FBLN7: variants seen among roughly 807,000 people sequenced by gnomAD.
FBLN7 encodes fibulin-7.
Under a neutral mutation model 44.0 loss-of-function variants are expected in FBLN7, and 31 were observed. That is an observed-to-expected ratio of 0.70 (90% CI 0.53 to 0.95). FBLN7 has a LOEUF of 0.95. Ranked by LOEUF, FBLN7 falls within the 40% of genes least tolerant of loss-of-function variation. The pLI, the probability that FBLN7 is intolerant of heterozygous loss-of-function variation, is 0.00. For synonymous variants in FBLN7, 262 were observed against 253.4 expected, an observed-to-expected ratio of 1.03 and a Z score of -0.32; for missense variants, 573 against 618.5, an observed-to-expected ratio of 0.93 and a Z score of 0.78.
At chr2:112,145,349 C>T (rs1297679267) in intron 1 of FBLN7, among the ~76,000 whole-genome samples, 1 of 151,948 alleles carries the variant, frequency 6.6e-6, no homozygotes, top group East Asian at 1.9e-4. Context: ...TTGCCCAGGC[C>T]AGCCATGGAA....
In FBLN7 at chr2:112,184,455, C is replaced by T. The variant is rs115350495; in HGVS notation, c.809-746C>T. On this transcript the variant is annotated intron_variant, in intron 6 of 7. Coordinates refer to ENST00000331203, the MANE Select transcript of FBLN7 (RefSeq NM_153214.3). ...CACTCCCTCCCTCCCACAGTGCTCACGAAGGCCCACCTGGGGTTGCTTGGG... is the reference window on the plus strand; with the variant it reads ...CACTCCCTCCCTCCCACAGTGCTCATGAAGGCCCACCTGGGGTTGCTTGGG... 1.8e-3 allele frequency among the ~76,000 whole-genome samples: 271 copies of T among 152,118 alleles called. 1 individual carries two copies. The highest frequency in any genetic ancestry group is 6.4e-3 in the African/African-American group (266 of 41,488).
chr2:112,141,495 G>A (rs143495602), intron 1 of FBLN7, among the ~76,000 whole-genome samples: 45 of 152,326 alleles, frequency 3.0e-4, no homozygotes, highest in Non-Finnish European at 4.3e-4. Flanking sequence ...TGATGTTAGT[G>A]CAGAAGGTAG....
In FBLN7 at chr2:112,185,258, A is replaced by ACAC; in HGVS notation, c.868_870dup (p.Thr290dup). The ACAC allele has an allele frequency of 6.2e-7, 1 of 1,614,044 alleles. No homozygotes were observed. Among genetic ancestry groups the ACAC allele is most frequent in the Non-Finnish European group, 8.5e-7 (1 of 1,179,920 alleles). On this transcript the variant is annotated inframe_insertion, in exon 7 of 8. Transcript: ENST00000331203. ...TGCCCCCAGGGGACCACATGCATCA[A>ACAC]CACCGGTGGAAGCTTCCAGTGTGTC...
rs1479341665 is a variant in FBLN7 at position 112,138,680 on chromosome 2, C to G, written c.25C>G (p.Leu9Val). 2.5e-6 allele frequency: 4 copies of G among 1,613,654 alleles called. No individual in the cohort carries two copies. The highest frequency in any genetic ancestry group is 1.3e-5 in the African/African-American group (1 of 74,898). Residue 9 changes from leucine to valine, a missense_variant, in exon 1 of 8, where the codon CTC becomes GTC. Transcript: ENST00000331203. MVPSSPRALFLLLLILACP... is the reference protein window; with the variant it reads MVPSSPRAVFLLLLILACP... ...GATGGTGCCCAGCTCTCCGCGCGCG[C>G]TCTTCCTTCTGCTCCTGATCCTCGC...
At chr2:112,170,286 AAAAG>A (rs1466508934) in intron 3 of FBLN7, among the ~76,000 whole-genome samples, 1 of 150,460 alleles carries the variant, frequency 6.6e-6, no homozygotes, top group African/African-American at 2.5e-5. Flanking sequence ...AAAGAAAAGA[AAAAG>A]AAAAGGTGAG....
intron 3 of FBLN7, among the ~76,000 whole-genome samples, chr2:112,168,556 C>G (rs1558885671): frequency 6.6e-6 from 1 of 152,214 alleles, no homozygotes; most frequent in Non-Finnish European, 1.5e-5. Flanking sequence ...TGGTTGTTGT[C>G]TCCAGCAAGA....
intron 1 of FBLN7, among the ~76,000 whole-genome samples, chr2:112,150,462 G>A (rs1681104816): frequency 6.6e-6 from 1 of 152,200 alleles, no homozygotes; most frequent in Non-Finnish European, 1.5e-5. Flanking sequence ...GAACGGGTCA[G>A]TATCACCTCA....
At chr2:112,186,906 G>A (rs1683295283) in intron 7 of FBLN7, among the ~76,000 whole-genome samples, 2 of 152,150 alleles carry the variant, frequency 1.3e-5, no homozygotes, top group South Asian at 4.1e-4. Flanking sequence ...ACACAGGTGG[G>A]CAGGGAGCAC....
the FBLN7 span, among the ~76,000 whole-genome samples, chr2:112,221,798 G>T: frequency 6.6e-6 from 1 of 151,964 alleles, no homozygotes; most frequent in Non-Finnish European, 1.5e-5. Flanking sequence ...TCTTGGATTG[G>T]GTTGACTATC....
At chr2:112,155,670 G>A (rs1323542382) in intron 1 of FBLN7, among the ~76,000 whole-genome samples, 2 of 152,194 alleles carry the variant, frequency 1.3e-5, no homozygotes, top group Non-Finnish European at 2.9e-5. Context: ...TGGCAAGCTG[G>A]GCACATCTCA....
chr2:112,184,842 C>T (rs1481133875), intron 6 of FBLN7, among the ~76,000 whole-genome samples: 1 of 145,292 alleles, frequency 6.9e-6, no homozygotes, highest in Non-Finnish European at 1.5e-5. Flanking sequence ...TATATACACA[C>T]ACACATATAT....
intron 2 of FBLN7, among the ~76,000 whole-genome samples, chr2:112,162,752 C>A (rs1486992111): frequency 6.6e-6 from 1 of 152,144 alleles, no homozygotes; most frequent in East Asian, 1.9e-4. Context: ...TATTAAGCAT[C>A]TATTAAGTGC....
chr2:112,231,037 T>C, the FBLN7 span: 1 of 860,658 alleles, frequency 1.2e-6, no homozygotes, highest in Non-Finnish European at 1.5e-6. Flanking sequence ...TTCAAATGAT[T>C]CCAATCAAAT....
At chr2:112,229,249 A>G in the FBLN7 span, among the ~76,000 whole-genome samples, 1 of 152,212 alleles carries the variant, frequency 6.6e-6, no homozygotes, top group East Asian at 1.9e-4. Context: ...TGTGGGAAAA[A>G]GGGAACAACA....
chr2:112,199,625 A>G, the FBLN7 span, among the ~76,000 whole-genome samples: 2 of 152,074 alleles, frequency 1.3e-5, no homozygotes, highest in African/African-American at 2.4e-5. Context: ...TCTGTCCCCA[A>G]TTCCCTCCTG....
chr2:112,201,669 A>C, the FBLN7 span, among the ~76,000 whole-genome samples: 2 of 152,158 alleles, frequency 1.3e-5, no homozygotes, highest in African/African-American at 4.8e-5. Context: ...CATCTCCCCA[A>C]CTTAGGGAGA....
the FBLN7 span, among the ~76,000 whole-genome samples, chr2:112,237,215 C>G: frequency 6.6e-6 from 1 of 152,178 alleles, no homozygotes; most frequent in Middle Eastern, 3.4e-3. Context: ...CCTGGATTCC[C>G]CATTCATTGT....
chr2:112,238,833 C>A, the FBLN7 span, among the ~76,000 whole-genome samples: 2 of 152,062 alleles, frequency 1.3e-5, no homozygotes, highest in African/African-American at 2.4e-5. Context: ...AAGTCTAAAC[C>A]CCTAAATCTT....
intron 4 of FBLN7, among the ~76,000 whole-genome samples, chr2:112,178,677 G>A (rs747660339): frequency 2.6e-5 from 4 of 152,202 alleles, no homozygotes; most frequent in East Asian, 3.9e-4. Context: ...CTTCCTCCCC[G>A]GGATACAAGG....
Sources: gnomAD v4.1 joint callset for allele counts (sites outside exome capture counted in the v4.1 genomes callset) on GRCh38, gnomAD v4.1.1 for gene constraint, MANE v1.5 for transcripts, NCBI Gene and HGNC (gene_info 2026-07-23, HGNC 2026-07-21) for gene names.